Variants in PLCG2 observed in about 807,000 individuals in gnomAD.
PLCG2 encodes 1-phosphatidylinositol 4,5-bisphosphate phosphodiesterase gamma-2.
In PLCG2, 69 loss-of-function variants were observed where a neutral mutation model predicts 175.6. That is an observed-to-expected ratio of 0.39 (90% CI 0.32 to 0.48). The LOEUF is 0.48. Among genes scored for constraint, PLCG2 ranks in the 20% least tolerant of loss-of-function variants. PLCG2 has a pLI of 0.91. For missense variants in PLCG2, 1,798 were observed against 1,650.9 expected (o/e 1.09, Z -1.54); for synonymous variants, 827 against 624.0 (o/e 1.33, Z -4.85).
Position 81,891,512 on chromosome 16 carries a change from AT to A in PLCG2, c.909del (p.Asp303GlufsTer12), listed in dbSNP as rs1908634099. ...TTTTCACGAGAAAACAGCATCTGGG[AT>A]GAGAAGTATGACGCGGTGGACATGC... ...YLFSRENSIW[D>X]EKYDAVDMQD... On this transcript the variant is annotated frameshift_variant, in exon 11 of 33. Transcript: ENST00000564138. LOFTEE classifies it high-confidence loss of function. The A allele has an allele frequency of 6.2e-7, 1 of 1,611,574 alleles. No individual in the cohort carries two copies. Among genetic ancestry groups the A allele is most frequent in the Admixed American group, 1.7e-5 (1 of 60,000 alleles).
At chr16:81,874,694 AT>A (rs1483433766) in intron 7 of PLCG2, among the ~76,000 whole-genome samples, 2 of 152,174 alleles carry the variant, frequency 1.3e-5, no homozygotes, top group Non-Finnish European at 2.9e-5. Context: ...GTTCATGCTT[AT>A]CAGCAGCCAA....
intron 1 of PLCG2, among the ~76,000 whole-genome samples, chr16:81,743,498 G>A (rs1597300243): frequency 6.6e-6 from 1 of 152,242 alleles, no homozygotes; most frequent in Non-Finnish European, 1.5e-5. Flanking sequence ...GAAGGAGTGA[G>A]GGACATTTCC....
At chr16:81,932,304 T>C (rs1166621835) in intron 25 of PLCG2, among the ~76,000 whole-genome samples, 3 of 152,188 alleles carry the variant, frequency 2.0e-5, no homozygotes, top group Non-Finnish European at 2.9e-5. Flanking sequence ...GGCCTCAGTT[T>C]CCTTGTCTGC....
rs767195651 is a variant in PLCG2, at chr16:81,936,245, C to T, written c.2919C>T (p.Asp973=). The T allele has an allele frequency of 6.2e-7, 1 of 1,614,176 alleles. No individual in the cohort carries two copies. The change falls in exon 27 of 33, where the codon GAC becomes GAT. Residue 973 remains aspartate, a synonymous_variant. Transcript: ENST00000564138. The part of the protein sequence containing the change: ...ADSIIRQKPV[D]LLKYNQKGLT... ...GCATCATCAGACAGAAGCCCGTCGA[C>T]CTCCTGAAGTACAATCAAAAGGGCC...
At position 81,919,593 on chromosome 16, in the gene PLCG2, A is replaced by G. The variant is rs761399374; in HGVS notation, c.2164A>G (p.Lys722Glu). The change falls in exon 20 of 33, where the codon AAG becomes GAG. Residue 722 changes from lysine to glutamate, a missense_variant. Lys to Glu is a moderately conservative substitution (Grantham distance 56, BLOSUM62 1). Coordinates refer to ENST00000564138, the MANE Select transcript of PLCG2 (RefSeq NM_002661.5). ...SLVELVSYYE[K>E]HSLYRKMRLR... ...GGTGGAGCTCGTCAGTTACTACGAG[A>G]AGCATTCACTCTACCGAAAGATGAG... is the stretch of plus-strand genomic sequence containing the variant. 2.7e-5 allele frequency: 44 copies of G among 1,613,968 alleles called. No individual in the cohort carries two copies. Among genetic ancestry groups the G allele is most frequent in the Admixed American group, 1.0e-4 (6 of 59,994 alleles).
intron 14 of PLCG2, 95 bp downstream of exon 14, chr16:81,900,875 G>C (rs1909121000): frequency 8.7e-7 from 1 of 1,151,318 alleles, no homozygotes; most frequent in Non-Finnish European, 1.2e-6. Context: ...ATGTCCTACT[G>C]GGCCTGCTCC....
At chr16:81,951,656 A>C (rs1228699850) in intron 31 of PLCG2, among the ~76,000 whole-genome samples, 1 of 152,226 alleles carries the variant, frequency 6.6e-6, no homozygotes, top group Admixed American at 6.5e-5. Context: ...GACCAATGTC[A>C]TGTGTGAATA....
intron 7 of PLCG2, among the ~76,000 whole-genome samples, chr16:81,880,342 A>G (rs1367726102): frequency 6.6e-6 from 1 of 152,224 alleles, no homozygotes; most frequent in Non-Finnish European, 1.5e-5. Flanking sequence ...TATCAAAGCC[A>G]ATGTGCCTAC....
intron 19 of PLCG2, among the ~76,000 whole-genome samples, chr16:81,917,127 C>T (rs554896521): frequency 4.6e-4 from 70 of 152,254 alleles, no homozygotes; most frequent in Admixed American, 2.0e-3. Flanking sequence ...TTAGGTTTCA[C>T]GTATGAGATC....
At chr16:81,957,255 C>T (rs764544160) in intron 32 of PLCG2, among the ~76,000 whole-genome samples, 7 of 152,140 alleles carry the variant, frequency 4.6e-5, no homozygotes, top group Non-Finnish European at 8.8e-5. Context: ...GCCGAGATCA[C>T]ACCATTGCAC....
intron 22 of PLCG2, 85 bp downstream of exon 22, chr16:81,923,679 C>A: frequency 1.3e-6 from 1 of 782,946 alleles, no homozygotes; most frequent in South Asian, 1.5e-5. Context: ...CTGGCCAAGT[C>A]TGACCCCCTT....
chr16:81,778,016 C>CAAAACAAAAAAAAAACAAAAAA (rs1910484333), upstream of PLCG2, among the ~76,000 whole-genome samples: 1 of 49,080 alleles, frequency 2.0e-5, no homozygotes, highest in Non-Finnish European at 3.5e-5. Flanking sequence ...GACTTTGTCT[C>CAAAACAAAAAAAAAACAAAAAA]AAAAAAAAAA....
At chr16:81,857,945 G>A (rs964503189) in intron 3 of PLCG2, 3 of 320,686 alleles carry the variant, frequency 9.4e-6, no homozygotes, top group East Asian at 5.0e-5. Context: ...TGTAGTTAGT[G>A]CTCAAATGAT....
At chr16:81,932,282 C>T (rs1422306829) in intron 25 of PLCG2, among the ~76,000 whole-genome samples, 1 of 152,172 alleles carries the variant, frequency 6.6e-6, no homozygotes, top group Admixed American at 6.5e-5. Flanking sequence ...GGCAAGTAAC[C>T]ACACTTCTCT....
At chr16:81,928,529 A>T (rs1248906153) in intron 23 of PLCG2, 29 bp from the exon 24 acceptor site, 1 of 1,426,732 alleles carries the variant, frequency 7.0e-7, no homozygotes, top group Non-Finnish European at 9.9e-7. Context: ...CGTTACAACT[A>T]ACGTGAGTTA....
intron 5 of PLCG2, among the ~76,000 whole-genome samples, chr16:81,862,509 G>A (rs1162042742): frequency 1.3e-5 from 2 of 152,208 alleles, no homozygotes; most frequent in East Asian, 3.8e-4. Flanking sequence ...GTCAGGGGTG[G>A]CACCAGGGTT....
Position 81,803,453 on chromosome 16 carries a change from A to G in PLCG2, c.193+17271A>G, listed in dbSNP as rs118020419. Among the ~76,000 whole-genome samples, 737 of 152,244 alleles carry G rather than the reference A, an allele frequency of 4.8e-3. 15 individuals carry two copies. In the East Asian group the frequency reaches 0.05, roughly 10 times the overall value. On this transcript the variant is annotated intron_variant, in intron 2 of 32. Transcript: ENST00000564138. ...TGGATAGACCATATTTTGTTTATCC[A>G]TTCATCACTTGATGGACATTTAGGT...
intron 19 of PLCG2, among the ~76,000 whole-genome samples, chr16:81,913,754 C>T (rs1471786476): frequency 1.3e-5 from 2 of 152,234 alleles, no homozygotes; most frequent in African/African-American, 2.4e-5. Flanking sequence ...TGGTTTGCCC[C>T]TGTCCACTCC....
intron 7 of PLCG2, among the ~76,000 whole-genome samples, chr16:81,873,484 G>A (rs914022728): frequency 6.6e-6 from 1 of 152,054 alleles, no homozygotes; most frequent in Non-Finnish European, 1.5e-5. Context: ...GGTGACGATT[G>A]TCATCTTATG....
Sources: gnomAD v4.1 joint callset for allele counts (sites outside exome capture counted in the v4.1 genomes callset) on GRCh38, gnomAD v4.1.1 for gene constraint, MANE v1.5 for transcripts, NCBI Gene and HGNC (gene_info 2026-07-23, HGNC 2026-07-21) for gene names.